Variants in ZRANB3 observed in about 807,000 individuals in gnomAD.
The protein encoded by ZRANB3 is DNA annealing helicase and endonuclease ZRANB3.
ZRANB3 carries 125 observed loss-of-function variants against 133.8 expected under a neutral mutation model. That is an observed-to-expected ratio of 0.93 (90% CI 0.81 to 1.08). The LOEUF (loss-of-function observed/expected upper bound fraction) is 1.08, where lower values mean the gene tolerates loss of function less well. ZRANB3 is among the 50% of genes least tolerant of loss of function. The probability of loss-of-function intolerance (pLI) is 0.00; values close to 1 mark genes in which losing one functional copy is unlikely to be tolerated. For missense variants in ZRANB3, 1,229 were observed against 1,275.5 expected (o/e 0.96, Z 0.56); for synonymous variants, 387 against 432.7 (o/e 0.89, Z 1.31).
At chr2:135,522,069 A>T (rs1437610596) in intron 1 of ZRANB3, among the ~76,000 whole-genome samples, 1 of 152,208 alleles carries the variant, frequency 6.6e-6, no homozygotes, top group Admixed American at 6.5e-5. Context: ...CCCTTGAAGC[A>T]GGGGAGTATA....
intron 12 of ZRANB3, among the ~76,000 whole-genome samples, chr2:135,258,469 GACTCTC>G (rs1679773915): frequency 6.6e-6 from 1 of 152,084 alleles, no homozygotes; most frequent in Admixed American, 6.6e-5. Flanking sequence ...CTGCTAGCAG[GACTCTC>G]ACCTTTGCTG....
intron 2 of ZRANB3, among the ~76,000 whole-genome samples, chr2:135,471,719 G>A (rs921932130): frequency 1.3e-5 from 2 of 152,146 alleles, no homozygotes; most frequent in East Asian, 1.9e-4. Flanking sequence ...CAGTTTTCTC[G>A]ATAGTACATC....
intron 2 of ZRANB3, among the ~76,000 whole-genome samples, chr2:135,418,517 A>G (rs1277852180): frequency 1.3e-5 from 2 of 152,242 alleles, no homozygotes; most frequent in African/African-American, 4.8e-5. Flanking sequence ...TGTATGTCAT[A>G]ATAGCCTCAG....
intron 8 of ZRANB3, among the ~76,000 whole-genome samples, chr2:135,296,283 A>T (rs1682082774): frequency 6.6e-6 from 1 of 151,934 alleles, no homozygotes; most frequent in Non-Finnish European, 1.5e-5. Flanking sequence ...ATTTCTTTTT[A>T]TTCTTTTTTC....
intron 3 of ZRANB3, among the ~76,000 whole-genome samples, chr2:135,384,647 G>C (rs1287144837): frequency 6.6e-6 from 1 of 152,150 alleles, no homozygotes; most frequent in Admixed American, 6.6e-5. Flanking sequence ...TATCCACCAT[G>C]ATCAAGTCGG....
chr2:135,290,385 T>G (rs1002891959), intron 8 of ZRANB3, among the ~76,000 whole-genome samples: 1 of 152,216 alleles, frequency 6.6e-6, no homozygotes, highest in African/African-American at 2.4e-5. Flanking sequence ...TGCTTTAAAG[T>G]CTGTTTTTTT....
intron 2 of ZRANB3, among the ~76,000 whole-genome samples, chr2:135,467,656 T>C (rs961870749): frequency 6.6e-6 from 1 of 152,214 alleles, no homozygotes; most frequent in African/African-American, 2.4e-5. Flanking sequence ...CATTTATACA[T>C]GCTAAGCATT....
intron 15 of ZRANB3, among the ~76,000 whole-genome samples, chr2:135,222,775 A>G (rs1056250447): frequency 2.0e-5 from 3 of 152,094 alleles, no homozygotes; most frequent in African/African-American, 7.2e-5. Flanking sequence ...TTATATATAT[A>G]TAATGGGTTT....
chr2:135,210,473 G>A (rs1308517542), intron 17 of ZRANB3, among the ~76,000 whole-genome samples: 2 of 152,024 alleles, frequency 1.3e-5, no homozygotes, highest in South Asian at 2.1e-4. Flanking sequence ...CTGGGATTAC[G>A]AGCACGCACC....
intron 2 of ZRANB3, among the ~76,000 whole-genome samples, chr2:135,481,081 G>A (rs1315061020): frequency 6.6e-6 from 1 of 152,188 alleles, no homozygotes; most frequent in Non-Finnish European, 1.5e-5. Context: ...ACATACGTGA[G>A]CATGTGTCTT....
chr2:135,421,904 T>C (rs1219884079), intron 2 of ZRANB3, among the ~76,000 whole-genome samples: 67 of 150,824 alleles, frequency 4.4e-4, no homozygotes, highest in Non-Finnish European at 8.6e-4. Context: ...TTTTTTTTTT[T>C]TGCTTTCTAA....
At chr2:135,446,438 G>T (rs1436310693) in intron 2 of ZRANB3, among the ~76,000 whole-genome samples, 2 of 152,034 alleles carry the variant, frequency 1.3e-5, no homozygotes, top group African/African-American at 4.8e-5. Flanking sequence ...TGAGGACATG[G>T]GAGAAAGAAA....
At chr2:135,383,640 A>AAC (rs1434249190) in intron 3 of ZRANB3, among the ~76,000 whole-genome samples, 1 of 152,176 alleles carries the variant, frequency 6.6e-6, no homozygotes, top group African/African-American at 2.4e-5. Context: ...AATTATAACA[A>AAC]ACTCTCTCTC....
chr2:135,252,644 G>C (rs1679457317), intron 12 of ZRANB3, among the ~76,000 whole-genome samples: 1 of 152,168 alleles, frequency 6.6e-6, no homozygotes, highest in African/African-American at 2.4e-5. Flanking sequence ...TCAAACTCAA[G>C]ATGTCCTGAG....
intron 8 of ZRANB3, among the ~76,000 whole-genome samples, chr2:135,311,233 G>T (rs1031697113): frequency 1.3e-5 from 2 of 152,038 alleles, no homozygotes; most frequent in African/African-American, 4.8e-5. Context: ...ATCAGTCATC[G>T]GGAAAAGAAA....
At position 135,217,592 on chromosome 2, in the gene ZRANB3, G is replaced by A. The variant is rs368363076; in HGVS notation, c.2368C>T (p.Arg790Ter). ...QYRSLILRFV[R>*]EWSSLTAMKQ... ...ATGGCAGTTAGACTACTCCATTCTCGAACAAATCTCAAAATCTGGCAGAAA... is the reference window on the plus strand; with the variant it reads ...ATGGCAGTTAGACTACTCCATTCTCAAACAAATCTCAAAATCTGGCAGAAA... The change falls in exon 17 of 21, where the codon CGA becomes TGA. Residue 790 changes from arginine to a stop codon, truncating the protein, a stop_gained. Transcript: ENST00000264159. LOFTEE classifies it high-confidence loss of function. The A allele has an allele frequency of 1.6e-5, 25 of 1,610,788 alleles. No homozygotes were observed. The highest frequency in any genetic ancestry group is 1.7e-4 in the Middle Eastern group (1 of 6,054).
intron 16 of ZRANB3, among the ~76,000 whole-genome samples, chr2:135,218,445 T>G (rs1694402088): frequency 6.6e-6 from 1 of 152,168 alleles, no homozygotes; most frequent in Admixed American, 6.5e-5. Context: ...AGTAAATAGC[T>G]TACTGCTCCC....
intron 12 of ZRANB3, among the ~76,000 whole-genome samples, chr2:135,260,518 C>T (rs888320053): frequency 6.6e-6 from 1 of 150,936 alleles, no homozygotes; most frequent in Admixed American, 6.6e-5. Context: ...GTGACTCATA[C>T]ATTTGTGTGG....
At chr2:135,203,272 G>A (rs1383398835) in intron 19 of ZRANB3, among the ~76,000 whole-genome samples, 1 of 152,064 alleles carries the variant, frequency 6.6e-6, no homozygotes, top group Non-Finnish European at 1.5e-5. Context: ...CTGTAAGTTA[G>A]TTTATATATT....
Sources: allele counts gnomAD v4.1 joint callset (sites outside exome capture counted in the v4.1 genomes callset), GRCh38; gene constraint gnomAD v4.1.1; transcripts MANE v1.5; gene names NCBI Gene and HGNC (gene_info 2026-07-23, HGNC 2026-07-21).